Variants in KCNH1 observed in about 807,000 individuals in gnomAD.
KCNH1 encodes the protein potassium voltage-gated channel subfamily H member 1, also known as voltage-gated delayed rectifier potassium channel KCNH1.
A neutral mutation model predicts 69.2 loss-of-function variants in KCNH1; 27 were observed. The ratio of observed to expected loss-of-function variants is 0.39; its 90% CI spans 0.29 to 0.54. The LOEUF is 0.54. Among genes scored for constraint, KCNH1 ranks in the 20% least tolerant of loss-of-function variants. KCNH1 has a pLI of 0.68. For synonymous variants in KCNH1, 456 were observed against 487.7 expected (o/e 0.93, Z 0.86); for missense variants, 798 against 1,261.6 (o/e 0.63, Z 5.57).
chr1:210,833,752 A>G (rs1268593954), intron 7 of KCNH1, among the ~76,000 whole-genome samples: 1 of 152,216 alleles, frequency 6.6e-6, no homozygotes, highest in Admixed American at 6.5e-5. Context: ...CAGGCAACCC[A>G]CAAAATGGGA....
chr1:211,053,156 G>A (rs1160979230), intron 5 of KCNH1, among the ~76,000 whole-genome samples: 2 of 152,190 alleles, frequency 1.3e-5, no homozygotes, highest in Non-Finnish European at 2.9e-5. Context: ...GCCCAACCTT[G>A]TTTTTTCAAC....
intron 9 of KCNH1, among the ~76,000 whole-genome samples, chr1:210,784,581 C>T (rs1684056891): frequency 6.6e-6 from 1 of 152,098 alleles, no homozygotes; most frequent in South Asian, 2.1e-4. Context: ...GCTGAGGGGG[C>T]CTTGGCTGCA....
intron 5 of KCNH1, among the ~76,000 whole-genome samples, chr1:211,057,554 G>A (rs955845809): frequency 2.0e-5 from 3 of 152,034 alleles, no homozygotes; most frequent in South Asian, 2.1e-4. Context: ...TGAGAGGATC[G>A]CTCGAGCCCA....
intron 7 of KCNH1, among the ~76,000 whole-genome samples, chr1:210,842,176 A>G (rs1056751770): frequency 6.6e-6 from 1 of 152,172 alleles, no homozygotes; most frequent in Non-Finnish European, 1.5e-5. Flanking sequence ...AGGGCACAAG[A>G]ACATGTTGCT....
In KCNH1 at chr1:210,820,084, T is replaced by C. The variant is rs1010810705; in HGVS notation, c.1463-15918A>G. 2.6e-5 allele frequency among the ~76,000 whole-genome samples: 4 copies of C among 152,358 alleles called. No individual in the cohort carries two copies. In the East Asian group the frequency reaches 5.8e-4, roughly 22 times the overall value. The stretch of plus-strand genomic sequence containing the variant: ...TCTTCATCCATGGAAGCCAGAAAGA[T>C]AAATTATTGTTGTTGTTTTAAGCCT... On this transcript the variant is annotated intron_variant, in intron 7 of 10. Coordinates refer to ENST00000271751, the MANE Select transcript of KCNH1 (RefSeq NM_172362.3).
chr1:210,847,380 C>A (rs1008120989), intron 7 of KCNH1, among the ~76,000 whole-genome samples: 1 of 152,140 alleles, frequency 6.6e-6, no homozygotes, highest in African/African-American at 2.4e-5. Context: ...CACATATTCA[C>A]AATGGAATAC....
chr1:211,097,780 G>T (rs977230851), intron 3 of KCNH1, among the ~76,000 whole-genome samples: 1 of 152,206 alleles, frequency 6.6e-6, no homozygotes, highest in African/African-American at 2.4e-5. Flanking sequence ...GCTGTCAGAT[G>T]CCTTTCCCTG....
At chr1:210,862,044 A>G (rs1685990719) in intron 7 of KCNH1, 1 of 786,854 alleles carries the variant, frequency 1.3e-6, no homozygotes, top group Non-Finnish European at 2.3e-6. Context: ...CTGGAATAGT[A>G]TAAGGGGATA....
At chr1:210,851,558 T>C (rs1046800940) in intron 7 of KCNH1, among the ~76,000 whole-genome samples, 1 of 152,174 alleles carries the variant, frequency 6.6e-6, no homozygotes, top group African/African-American at 2.4e-5. Context: ...ATAAATACCA[T>C]CTTGTGTCAC....
chr1:211,037,849 A>G (rs1042566423), intron 5 of KCNH1, among the ~76,000 whole-genome samples: 1 of 152,114 alleles, frequency 6.6e-6, no homozygotes, highest in Non-Finnish European at 1.5e-5. Flanking sequence ...GACCCAAAGG[A>G]AGGTAAGTGA....
At chr1:210,756,954 C>G (rs1045938813) in intron 10 of KCNH1, among the ~76,000 whole-genome samples, 1 of 152,220 alleles carries the variant, frequency 6.6e-6, no homozygotes, top group Non-Finnish European at 1.5e-5. Context: ...TAGGTTCTTA[C>G]TGATTAGCAA....
chr1:211,113,974 TCACACACACA>T lies in KCNH1; in HGVS notation c.80-6607_80-6598del, dbSNP rs371049407. 4.2e-5 allele frequency among the ~76,000 whole-genome samples: 6 copies of T among 142,378 alleles called. No individual in the cohort carries two copies. The East Asian group carries it at 6.1e-4, about 14-fold the overall frequency. 93.4% of individuals were successfully genotyped at this position (142,378 alleles called of 152,430 possible). A position where few individuals can be genotyped will look rare whatever the true frequency, so the allele number is the denominator to read the frequency against. ...CTCTGTCTCTCTCTCTCTCTCTCTC[TCACACACACA>T]CACACACACACACACACACATACAC... On this transcript the variant is annotated intron_variant, in intron 1 of 10. Coordinates refer to ENST00000271751, the MANE Select transcript of KCNH1 (RefSeq NM_172362.3).
Position 211,120,597 on chromosome 1 carries a change from A to G in KCNH1, c.80-13220T>C, listed in dbSNP as rs185284616. Among the ~76,000 whole-genome samples the G allele has an allele frequency of 3.3e-5, 5 of 152,324 alleles. No homozygotes were observed. In the East Asian group the frequency reaches 9.6e-4, roughly 29 times the overall value. ...AAAAAGTCTTAGACCATAATTGAAT[A>G]ACACAAAAAATATCATTCTCAGAAC... On this transcript the variant is annotated intron_variant, in intron 1 of 10. Transcript: ENST00000271751.
chr1:210,987,696 G>C (rs11119652), intron 6 of KCNH1, among the ~76,000 whole-genome samples: 3 of 152,188 alleles, frequency 2.0e-5, no homozygotes, highest in Non-Finnish European at 4.4e-5. Context: ...TGCCCCTACT[G>C]GGGGGTGCCT....
chr1:211,029,464 A>G (rs1311505359), intron 5 of KCNH1, among the ~76,000 whole-genome samples: 1 of 151,796 alleles, frequency 6.6e-6, no homozygotes, highest in Admixed American at 6.6e-5. Context: ...TTATCAATTG[A>G]TATACAAAAA....
chr1:210,968,485 C>A (rs1688450844), intron 6 of KCNH1, among the ~76,000 whole-genome samples: 1 of 140,718 alleles, frequency 7.1e-6, no homozygotes, highest in South Asian at 2.4e-4. Context: ...GTCCCACCAA[C>A]AGTGTAAAAG....
chr1:211,022,507 CAAAGT>C (rs1469832843), intron 5 of KCNH1, among the ~76,000 whole-genome samples: 2 of 152,056 alleles, frequency 1.3e-5, no homozygotes, highest in Non-Finnish European at 2.9e-5. Flanking sequence ...TTCTGCACAG[CAAAGT>C]AAACAATCAA....
intron 6 of KCNH1, among the ~76,000 whole-genome samples, chr1:210,992,367 T>C (rs1240590137): frequency 6.6e-6 from 1 of 152,218 alleles, no homozygotes; most frequent in Admixed American, 6.5e-5. Flanking sequence ...TATATCTTTC[T>C]TGCAGACCTA....
At chr1:211,056,282 G>T (rs1170433542) in intron 5 of KCNH1, among the ~76,000 whole-genome samples, 1 of 152,158 alleles carries the variant, frequency 6.6e-6, no homozygotes, top group African/African-American at 2.4e-5. Flanking sequence ...CTTGCCAAGG[G>T]GCCTAGGGTG....
Sources: allele counts gnomAD v4.1 joint callset (sites outside exome capture counted in the v4.1 genomes callset), GRCh38; gene constraint gnomAD v4.1.1; transcripts MANE v1.5; gene names NCBI Gene and HGNC (gene_info 2026-07-23, HGNC 2026-07-21).